The following UNC79 variants were observed in gnomAD, a reference collection of about 807,000 sequenced individuals.
UNC79 encodes protein unc-79 homolog.
A neutral mutation model predicts 283.1 loss-of-function variants in UNC79; 37 were observed. The ratio of observed to expected loss-of-function variants is 0.13; its 90% confidence interval spans 0.10 to 0.17. The LOEUF (loss-of-function observed/expected upper bound fraction) is 0.17, where lower values mean the gene tolerates loss of function less well. UNC79 is among the 10% of genes least tolerant of loss of function. UNC79 has a pLI of 1.00. For synonymous variants in UNC79, 1,107 were observed against 1,200.2 expected (o/e 0.92, Z 1.61); for missense variants, 2,272 against 3,211.1 (o/e 0.71, Z 7.07).
At chr14:93,415,008 C>T (rs1297043267) in intron 1 of UNC79, among the ~76,000 whole-genome samples, 1 of 152,066 alleles carries the variant, frequency 6.6e-6, no homozygotes, top group African/African-American at 2.4e-5. Context: ...TGAATACCCT[C>T]TATTTCCTTC....
chr14:93,409,652 C>T (rs2055296164), intron 1 of UNC79, among the ~76,000 whole-genome samples: 1 of 152,074 alleles, frequency 6.6e-6, no homozygotes, highest in Admixed American at 6.6e-5. Flanking sequence ...AGCACCACTG[C>T]ACTACAGCCT....
chr14:93,603,582 T>C (rs1324333023), intron 26 of UNC79, among the ~76,000 whole-genome samples, 164 bp downstream of exon 26: 1 of 152,204 alleles, frequency 6.6e-6, no homozygotes, highest in African/African-American at 2.4e-5. Context: ...GGGGTATAAA[T>C]GCCTAGGGTT....
chr14:93,651,730 A>G (rs1488404897), intron 35 of UNC79, among the ~76,000 whole-genome samples: 2 of 151,530 alleles, frequency 1.3e-5, no homozygotes, highest in African/African-American at 4.8e-5. Context: ...TCTGATCTTT[A>G]TGCCTTTTGT....
intron 1 of UNC79, among the ~76,000 whole-genome samples, chr14:93,410,022 G>A (rs1046157797): frequency 6.6e-6 from 1 of 152,140 alleles, no homozygotes; most frequent in African/African-American, 2.4e-5. Flanking sequence ...CACAATATAT[G>A]GTTTTAACTT....
rs146653467 is a variant in UNC79 at position 93,357,896 on chromosome 14, G to A, written c.-351+24373G>A. Among the ~76,000 whole-genome samples, 4 of 27,442 alleles carry A rather than the reference G, an allele frequency of 1.5e-4. 1 individual carries two copies. The South Asian group carries it at 4.1e-3, about 28-fold the overall frequency. The allele number at this position is 27,442 out of a possible 152,430, so 18.0% of individuals were successfully genotyped here. On this transcript the variant is annotated intron_variant, in intron 1 of 49. Coordinates refer to the UNC79 transcript ENST00000256339. ...ATGGATATATATATGGATATATGGAGATATATATCTATATATATCCATATA... is the reference window on the plus strand; with the variant it reads ...ATGGATATATATATGGATATATGGAAATATATATCTATATATATCCATATA...
chr14:93,404,499 T>A lies in UNC79; in HGVS notation c.-350-63172T>A, dbSNP rs1215752570. On this transcript the variant is annotated intron_variant, in intron 1 of 49. Coordinates refer to the UNC79 transcript ENST00000256339. ...AGTGAGACCTTCTAAAAAAAATATATATATATATATATATAAATATATACA... is the reference window on the plus strand; with the variant it reads ...AGTGAGACCTTCTAAAAAAAATATAAATATATATATATATAAATATATACA... Among the ~76,000 whole-genome samples the A allele has an allele frequency of 3.2e-3, 188 of 59,172 alleles. 18 individuals are homozygous for A. Among genetic ancestry groups the A allele is most frequent in the Middle Eastern group, 0.02 (2 of 102 alleles). 38.8% of individuals were successfully genotyped at this position (59,172 alleles called of 152,430 possible).
At chr14:93,342,608 G>A (rs2053737591) in intron 1 of UNC79, among the ~76,000 whole-genome samples, 1 of 152,188 alleles carries the variant, frequency 6.6e-6, no homozygotes, top group Admixed American at 6.5e-5. Context: ...CACAAAATGG[G>A]TTTTTCTTTT....
chr14:93,365,623 TGAA>T (rs2054313852), intron 1 of UNC79, among the ~76,000 whole-genome samples: 1 of 152,096 alleles, frequency 6.6e-6, no homozygotes, highest in Non-Finnish European at 1.5e-5. Context: ...ATTATTAAGA[TGAA>T]GAACTCAACA....
At position 93,454,675 on chromosome 14, in the gene UNC79, A is replaced by G. The variant is rs571004880; in HGVS notation, c.23-12996A>G. ...TAGTAAACATTCAGAATTTAGAATT[A>G]TTATTGTGATTATTGTGACCTTCTA... On this transcript the variant is annotated intron_variant, in intron 1 of 48. Coordinates refer to ENST00000555664, the Ensembl canonical transcript of UNC79. 1.2e-4 allele frequency among the ~76,000 whole-genome samples: 18 copies of G among 152,308 alleles called. No homozygotes were observed. The South Asian group carries it at 1.4e-3, about 12-fold the overall frequency.
chr14:93,634,686 T>C, intron 31 of UNC79, 49 bp downstream of exon 34: 3 of 1,463,280 alleles, frequency 2.1e-6, no homozygotes, highest in Non-Finnish European at 2.9e-6. Flanking sequence ...TAGTGAATGC[T>C]ACTTTCTCTG....
chr14:93,464,442 C>T (rs927887901), intron 1 of UNC79: 15 of 441,722 alleles, frequency 3.4e-5, no homozygotes, highest in African/African-American at 3.0e-4. Context: ...AAAAGGACAG[C>T]AGTCAGATTG....
intron 46 of UNC79, among the ~76,000 whole-genome samples, chr14:93,693,735 TG>T (rs776444891): frequency 1.3e-5 from 2 of 152,224 alleles, no homozygotes; most frequent in African/African-American, 4.8e-5. Flanking sequence ...AAGATATTAC[TG>T]GGGAACATTG....
chr14:93,643,988 G>A (rs1036500192), intron 34 of UNC79, among the ~76,000 whole-genome samples: 2 of 152,154 alleles, frequency 1.3e-5, no homozygotes, highest in African/African-American at 2.4e-5. Context: ...TTGTAACCAC[G>A]CACACAACTG....
intron 23 of UNC79, 89 bp from the exon 24 acceptor site, chr14:93,597,270 C>A: frequency 7.2e-7 from 1 of 1,397,300 alleles, no homozygotes; most frequent in Non-Finnish European, 9.8e-7. Flanking sequence ...TCTGTGAGTT[C>A]AGTTCTCAGA....
At chr14:93,566,115 G>C (rs1005150100) in intron 14 of UNC79, among the ~76,000 whole-genome samples, 13 of 152,204 alleles carry the variant, frequency 8.5e-5, no homozygotes, top group Non-Finnish European at 1.9e-4. Flanking sequence ...TCAGACAGCT[G>C]CCCATCAGCT....
intron 14 of UNC79, among the ~76,000 whole-genome samples, chr14:93,545,662 A>C: frequency 6.6e-6 from 1 of 152,356 alleles, no homozygotes; most frequent in East Asian, 1.9e-4. Flanking sequence ...CTGTTTAGTC[A>C]TATCAGATTC....
At chr14:93,500,848 C>T (rs991408449) in intron 7 of UNC79, among the ~76,000 whole-genome samples, 1 of 152,158 alleles carries the variant, frequency 6.6e-6, no homozygotes, top group African/African-American at 2.4e-5. Flanking sequence ...AAATTGTCTG[C>T]AATGCCTACT....
chr14:93,654,116 G>A (rs1276135209), intron 37 of UNC79, 91 bp downstream of exon 40: 2 of 1,002,338 alleles, frequency 2.0e-6, no homozygotes. Context: ...CACACCATAG[G>A]ATACTGCTGA....
At position 93,690,446 on chromosome 14, in the gene UNC79, T is replaced by C; in HGVS notation, c.7272+143T>C. ...TGTTAGAAACACAACTTTGTGCTAATGTCTTATTTAAAGTTGTTTAGATTC... is the reference window on the plus strand; with the variant it reads ...TGTTAGAAACACAACTTTGTGCTAACGTCTTATTTAAAGTTGTTTAGATTC... On this transcript the variant is annotated intron_variant, in intron 45 of 48. Transcript: ENST00000555664. This position sits in a 1 kb window ranked among gnomAD's most constrained non-coding sequence, Gnocchi z 4.3. 1.1e-6 allele frequency: 1 copy of C among 943,548 alleles called. No homozygotes were observed. Among genetic ancestry groups the C allele is most frequent in the Non-Finnish European group, 1.5e-6 (1 of 664,732 alleles). The allele number at this position is 943,548 out of a possible 1,614,324, so 58.4% of individuals were successfully genotyped here.
Sources: gnomAD v4.1 joint callset for allele counts (sites outside exome capture counted in the v4.1 genomes callset) on GRCh38, gnomAD v4.1.1 for gene constraint, Gnocchi (gnomAD v3.1) non-coding constraint, MANE v1.5 for transcripts, NCBI Gene and HGNC (gene_info 2026-07-23, HGNC 2026-07-21) for gene names.